Variants in NDFIP1 observed in about 807,000 individuals in gnomAD.
NDFIP1 encodes the protein NEDD4 family-interacting protein 1.
Under a neutral mutation model 28.8 loss-of-function variants are expected in NDFIP1, and 7 were observed. That is an observed-to-expected ratio of 0.24 (90% CI 0.14 to 0.46). NDFIP1 has a LOEUF of 0.46. Ranked by LOEUF, NDFIP1 falls within the 20% of genes least tolerant of loss-of-function variation. The pLI, the probability that NDFIP1 is intolerant of heterozygous loss-of-function variation, is 0.99. For missense variants in NDFIP1, 194 were observed against 269.1 expected (o/e 0.72, Z 1.95); for synonymous variants, 92 against 101.0 (o/e 0.91, Z 0.53).
At position 142,131,822 on chromosome 5, in the gene NDFIP1, A is replaced by G. The variant is rs765150163; in HGVS notation, c.78A>G (p.Glu26=). 8 of 1,584,340 alleles carry G rather than the reference A, an allele frequency of 5.0e-6. No homozygotes were observed. In the Admixed American group the frequency reaches 1.5e-4, roughly 31 times the overall value. ...TTTTTATTTAGTTGCAGAATGAAGAAGAGTCTGGAGAACCTGAACAGGCTG... is the reference window on the plus strand; with the variant it reads ...TTTTTATTTAGTTGCAGAATGAAGAGGAGTCTGGAGAACCTGAACAGGCTG... ...GSRYQQLQNE[E]ESGEPEQAAG... is the part of the protein sequence containing the mutation. Residue 26 remains glutamate, a synonymous_variant, in exon 2 of 8, where the codon GAA becomes GAG. Transcript: ENST00000253814.
At chr5:142,140,689 ATTAC>A in intron 6 of NDFIP1, 60 bp downstream of exon 6, 4 of 1,334,938 alleles carry the variant, frequency 3.0e-6, no homozygotes, top group Non-Finnish European at 4.2e-6. Flanking sequence ...TATAAGTAAA[ATTAC>A]TTGTAGTAAA....
intron 7 of NDFIP1, among the ~76,000 whole-genome samples, chr5:142,147,480 A>G (rs1757401199): frequency 1.3e-5 from 2 of 152,232 alleles, no homozygotes; most frequent in African/African-American, 4.8e-5. Flanking sequence ...AAAAGTAATT[A>G]TCTGCTAATT....
At chr5:142,135,699 C>A in intron 3 of NDFIP1, 31 bp from the exon 4 acceptor site, 1 of 1,581,954 alleles carries the variant, frequency 6.3e-7, no homozygotes, top group Non-Finnish European at 8.7e-7. Flanking sequence ...CTTCCCTTTG[C>A]CTAGAAATAA....
At chr5:142,117,786 C>T (rs1271141331) in intron 1 of NDFIP1, among the ~76,000 whole-genome samples, 1 of 145,340 alleles carries the variant, frequency 6.9e-6, no homozygotes, top group Non-Finnish European at 1.5e-5. Context: ...GGAGTGCAGC[C>T]ACATAGTCTC....
Position 142,131,826 on chromosome 5 carries a change from T to C in NDFIP1, c.82T>C (p.Ser28Pro), listed in dbSNP as rs1596789165. ...RYQQLQNEEE[S>P]GEPEQAAGDA... Reference sequence around the variant, plus strand: ...TATTTAGTTGCAGAATGAAGAAGAGTCTGGAGAACCTGAACAGGCTGCAGG... The same window carrying C: ...TATTTAGTTGCAGAATGAAGAAGAGCCTGGAGAACCTGAACAGGCTGCAGG... The change falls in exon 2 of 8, where the codon TCT becomes CCT. Residue 28 changes from serine to proline, a missense_variant. Transcript: ENST00000253814. 2.5e-6 allele frequency: 4 copies of C among 1,591,170 alleles called. No individual in the cohort carries two copies. Among genetic ancestry groups the C allele is most frequent in the Non-Finnish European group, 3.4e-6 (4 of 1,172,646 alleles).
At chr5:142,112,945 G>A (rs1344364131) in intron 1 of NDFIP1, among the ~76,000 whole-genome samples, 5 of 152,102 alleles carry the variant, frequency 3.3e-5, no homozygotes, top group South Asian at 4.1e-4. Flanking sequence ...AACCTGTTGC[G>A]TGTTTCTCTC....
chr5:142,116,672 G>A (rs1757072355), intron 1 of NDFIP1, among the ~76,000 whole-genome samples: 1 of 151,558 alleles, frequency 6.6e-6, no homozygotes, highest in Non-Finnish European at 1.5e-5. Context: ...ACCTTCATAT[G>A]TATTTTTCTT....
rs1757235058 is a variant in NDFIP1 at position 142,132,239 on chromosome 5, G to C, written c.179G>C (p.Gly60Ala). ...TATTTTGACTACAAGGATGAGTCTG[G>C]GTTTCCAAAGCCCCCATCTTACAAT... is the stretch of plus-strand genomic sequence containing the variant. ...AAYFDYKDES[G>A]FPKPPSYNVA... is the part of the protein sequence containing the mutation. Residue 60 changes from glycine (G) to alanine (A), a missense_variant, in exon 3 of 8, where the codon GGG (glycine) becomes GCG (alanine). By Grantham distance (60) the Gly-to-Ala change is moderately conservative (BLOSUM62 0). Transcript: ENST00000253814. 6.2e-7 allele frequency: 1 copy of C among 1,613,636 alleles called. No homozygotes were observed. The highest frequency in any genetic ancestry group is 1.1e-5 in the South Asian group (1 of 90,952).
Position 142,131,818 on chromosome 5 carries a change from A to T in NDFIP1, c.74A>T (p.Glu25Val), listed in dbSNP as rs151294679. Residue 25 changes from glutamate to valine, a missense_variant, in exon 2 of 8, where the codon GAA becomes GTA. Transcript: ENST00000253814. ...CGSRYQQLQNEEESGEPEQAA... is the reference protein window; with the variant it reads ...CGSRYQQLQNVEESGEPEQAA... ...GAAATTTTTATTTAGTTGCAGAATG[A>T]AGAAGAGTCTGGAGAACCTGAACAG... is the stretch of plus-strand genomic sequence containing the variant. 29 of 1,580,394 alleles carry T rather than the reference A, an allele frequency of 1.8e-5. No individual in the cohort carries two copies. In the African/African-American group the frequency reaches 3.9e-4, roughly 21 times the overall value.
chr5:142,144,464 C>T, intron 6 of NDFIP1, 107 bp from the exon 7 acceptor site: 1 of 812,386 alleles, frequency 1.2e-6, no homozygotes, highest in South Asian at 1.7e-5. Context: ...TTTTGATTAC[C>T]TTTAGCAGAA....
intron 7 of NDFIP1, among the ~76,000 whole-genome samples, chr5:142,150,834 C>G (rs917364895): frequency 2.0e-5 from 3 of 152,108 alleles, no homozygotes; most frequent in African/African-American, 7.2e-5. Flanking sequence ...TTGAGCCCAT[C>G]CAACTCTCAC....
chr5:142,151,439 A>G (rs1351544679), intron 7 of NDFIP1, among the ~76,000 whole-genome samples: 2 of 152,218 alleles, frequency 1.3e-5, no homozygotes, highest in African/African-American at 2.4e-5. Context: ...GCGCAGTAGC[A>G]CTGCTTCCAT....
At chr5:142,141,445 G>A (rs1270242078) in intron 6 of NDFIP1, among the ~76,000 whole-genome samples, 2 of 151,718 alleles carry the variant, frequency 1.3e-5, no homozygotes, top group African/African-American at 4.8e-5. Flanking sequence ...CAAAGTGCTG[G>A]GATTACAGGC....
At chr5:142,148,516 C>T (rs551137711) in intron 7 of NDFIP1, among the ~76,000 whole-genome samples, 77 of 152,000 alleles carry the variant, frequency 5.1e-4, no homozygotes, top group African/African-American at 1.8e-3. Flanking sequence ...TTTGGGAGGC[C>T]GAGGTGGGCA....
At chr5:142,126,401 G>A (rs908565358) in intron 1 of NDFIP1, among the ~76,000 whole-genome samples, 3 of 152,210 alleles carry the variant, frequency 2.0e-5, no homozygotes, top group African/African-American at 7.2e-5. Flanking sequence ...TTAAAGAAGG[G>A]ACTTGAAACT....
chr5:142,130,420 G>A (rs6860138), intron 1 of NDFIP1, among the ~76,000 whole-genome samples: 102,660 of 152,084 alleles, frequency 0.68, 34,994 homozygotes, highest in African/African-American at 0.78. Flanking sequence ...GTTTTCATAA[G>A]TGTCTCAATT....
intron 5 of NDFIP1, among the ~76,000 whole-genome samples, chr5:142,138,956 G>T (rs1161739020): frequency 6.7e-6 from 1 of 150,324 alleles, no homozygotes; most frequent in Admixed American, 6.6e-5. Context: ...GGTGGCTCAC[G>T]CCTGTAATCC....
intron 1 of NDFIP1, among the ~76,000 whole-genome samples, chr5:142,130,340 A>G (rs1376551877): frequency 6.6e-6 from 1 of 152,210 alleles, no homozygotes; most frequent in Non-Finnish European, 1.5e-5. Context: ...TTTGACTGGC[A>G]GAAAAGTTGC....
chr5:142,148,580 G>A lies in NDFIP1; in HGVS notation c.*3-3151G>A, dbSNP rs187074897. ...AGCCTGGGCAACATGACAAAACCCC[G>A]TCTCTACTAAAGATACAAAAATTAT... On this transcript the variant is annotated intron_variant, in intron 7 of 7. Coordinates refer to ENST00000253814, the MANE Select transcript of NDFIP1 (RefSeq NM_030571.4). Among the ~76,000 whole-genome samples the A allele has an allele frequency of 4.7e-4, 71 of 151,804 alleles. 1 individual carries two copies. The highest frequency in any genetic ancestry group is 1.4e-3 in the African/African-American group (58 of 41,408).
Sources: gnomAD v4.1 joint callset for allele counts (sites outside exome capture counted in the v4.1 genomes callset) on GRCh38, gnomAD v4.1.1 for gene constraint, MANE v1.5 for transcripts, NCBI Gene and HGNC (gene_info 2026-07-23, HGNC 2026-07-21) for gene names.